SDK1: variants seen among roughly 807,000 people sequenced by gnomAD.
SDK1 encodes protein sidekick-1.
In SDK1, 157 loss-of-function variants were observed where a neutral mutation model predicts 245.5. That is an observed-to-expected ratio of 0.64 (90% confidence interval 0.56 to 0.73). The LOEUF (loss-of-function observed/expected upper bound fraction) is 0.73, where lower values mean the gene tolerates loss of function less well. SDK1 is among the 30% of genes least tolerant of loss of function. The pLI is 0.00. For missense variants in SDK1, 3,583 were observed against 3,002.3 expected (o/e 1.19, Z -4.52); for synonymous variants, 1,647 against 1,278.5 (o/e 1.29, Z -6.15).
chr7:3,611,401 A>C (rs1409057659), intron 1 of SDK1, among the ~76,000 whole-genome samples: 1 of 152,128 alleles, frequency 6.6e-6, no homozygotes, highest in African/African-American at 2.4e-5. Flanking sequence ...TCTAGTTCAC[A>C]TTTAATAACC....
intron 1 of SDK1, among the ~76,000 whole-genome samples, chr7:3,540,196 C>A (rs577783522): frequency 1.3e-5 from 2 of 152,292 alleles, no homozygotes; most frequent in East Asian, 3.9e-4. Context: ...CAGCTGAGGT[C>A]AGGAGTTCAA....
intron 4 of SDK1, among the ~76,000 whole-genome samples, chr7:3,779,682 C>T (rs1780668652): frequency 6.6e-6 from 1 of 152,038 alleles, no homozygotes; most frequent in Non-Finnish European, 1.5e-5. Flanking sequence ...CCTGTAATCC[C>T]AGCACTTTGG....
intron 5 of SDK1, among the ~76,000 whole-genome samples, chr7:3,938,564 T>G (rs1350150539): frequency 2.0e-5 from 3 of 150,176 alleles, no homozygotes; most frequent in Non-Finnish European, 4.4e-5. Context: ...GAGAATGGCG[T>G]GAACCTGGGA....
chr7:4,251,629 C>T (rs75608573), intron 44 of SDK1, among the ~76,000 whole-genome samples: 6,015 of 152,300 alleles, frequency 0.039, 167 homozygotes, highest in Non-Finnish European at 0.063. Flanking sequence ...AGAAAGAAAG[C>T]AGGTGTTTGG....
At chr7:3,895,932 T>C (rs1781593431) in intron 5 of SDK1, among the ~76,000 whole-genome samples, 2 of 152,244 alleles carry the variant, frequency 1.3e-5, no homozygotes, top group African/African-American at 4.8e-5. Flanking sequence ...AATTCTGCGG[T>C]GGCCAGAAAA....
intron 1 of SDK1, among the ~76,000 whole-genome samples, chr7:3,560,664 G>A (rs183396691): frequency 2.0e-5 from 3 of 152,168 alleles, no homozygotes; most frequent in South Asian, 4.2e-4. Flanking sequence ...AGAGCAGGTG[G>A]CACCCTTCTC....
chr7:4,040,707 G>A (rs535535282), intron 17 of SDK1, among the ~76,000 whole-genome samples: 7 of 152,142 alleles, frequency 4.6e-5, no homozygotes, highest in African/African-American at 1.7e-4. Flanking sequence ...GACTGGATGC[G>A]CCATTTGCAT....
At chr7:3,615,651 C>T (rs905423878) in intron 1 of SDK1, among the ~76,000 whole-genome samples, 1 of 151,604 alleles carries the variant, frequency 6.6e-6, no homozygotes, top group Non-Finnish European at 1.5e-5. Context: ...TTGTACAAGT[C>T]AGAGACATAA....
At chr7:3,723,322 A>G (rs941590052) in intron 4 of SDK1, among the ~76,000 whole-genome samples, 1 of 152,220 alleles carries the variant, frequency 6.6e-6, no homozygotes, top group South Asian at 2.1e-4. Flanking sequence ...CACTTTCCTG[A>G]AAGAAGAGCA....
chr7:3,924,614 C>T (rs1017608109), intron 5 of SDK1, among the ~76,000 whole-genome samples: 3 of 152,182 alleles, frequency 2.0e-5, no homozygotes, highest in Admixed American at 1.3e-4. Context: ...TGGGACATTT[C>T]GCCAGCTTCC....
intron 1 of SDK1, among the ~76,000 whole-genome samples, chr7:3,413,211 C>T (rs753203300): frequency 6.6e-6 from 1 of 152,018 alleles, no homozygotes; most frequent in Non-Finnish European, 1.5e-5. Flanking sequence ...AGATCTTGAG[C>T]CAAGAGTAGG....
chr7:3,617,309 C>G (rs1002830636), intron 1 of SDK1, among the ~76,000 whole-genome samples: 7 of 152,212 alleles, frequency 4.6e-5, no homozygotes, highest in Non-Finnish European at 7.3e-5. Flanking sequence ...GTGATCAAGA[C>G]TAATGTACTG....
At chr7:3,360,211 C>A (rs1305114011) in intron 1 of SDK1, among the ~76,000 whole-genome samples, 1 of 152,178 alleles carries the variant, frequency 6.6e-6, no homozygotes, top group South Asian at 2.1e-4. Context: ...AGGAGTCACA[C>A]TAGTCACTAT....
intron 19 of SDK1, among the ~76,000 whole-genome samples, chr7:4,064,128 C>T (rs888167673): frequency 6.6e-6 from 1 of 152,094 alleles, no homozygotes; most frequent in African/African-American, 2.4e-5. Context: ...AAATGGTAAA[C>T]AGAGTGAAGA....
intron 1 of SDK1, among the ~76,000 whole-genome samples, chr7:3,310,764 T>C (rs142084036): frequency 3.6e-4 from 55 of 152,328 alleles, no homozygotes; most frequent in East Asian, 1.5e-3. Flanking sequence ...CAGTATAGCA[T>C]ACTGTTTAAG....
At chr7:3,474,091 G>GT (rs869083123) in intron 1 of SDK1, among the ~76,000 whole-genome samples, 821 of 43,208 alleles carry the variant, frequency 0.019, 220 homozygotes, top group Middle Eastern at 0.038. Flanking sequence ...ACCAGATGGT[G>GT]TTTTTTTTTT....
intron 29 of SDK1, among the ~76,000 whole-genome samples, chr7:4,147,050 C>T (rs1369693281): frequency 6.6e-6 from 1 of 152,246 alleles, no homozygotes; most frequent in Non-Finnish European, 1.5e-5. Flanking sequence ...CTCACCTCAG[C>T]AGCCCCAGCT....
chr7:3,809,802 A>G (rs1458465925), intron 4 of SDK1, among the ~76,000 whole-genome samples: 1 of 152,166 alleles, frequency 6.6e-6, no homozygotes, highest in Non-Finnish European at 1.5e-5. Flanking sequence ...CTTTATCTGC[A>G]CAAGGGAAGA....
chr7:3,431,480 G>T (rs1014917251), intron 1 of SDK1, among the ~76,000 whole-genome samples: 9 of 151,340 alleles, frequency 5.9e-5, no homozygotes, highest in East Asian at 1.9e-4. Flanking sequence ...CTATGAGTAA[G>T]GCTCTGCCTT....
Sources: gnomAD v4.1 joint callset for allele counts (sites outside exome capture counted in the v4.1 genomes callset) on GRCh38, gnomAD v4.1.1 for gene constraint, MANE v1.5 for transcripts, NCBI Gene and HGNC (gene_info 2026-07-23, HGNC 2026-07-21) for gene names.